DTNBP1: variants seen among roughly 807,000 people sequenced by gnomAD.
DTNBP1 encodes dystrobrevin binding protein 1, also known as dysbindin.
Under a neutral mutation model 42.8 loss-of-function variants are expected in DTNBP1, and 35 were observed. That is an observed-to-expected ratio of 0.82 (90% CI 0.63 to 1.09). The LOEUF is 1.09. DTNBP1 is among the 50% of genes least tolerant of loss of function. DTNBP1 has a pLI of 0.00. For missense variants in DTNBP1, 457 were observed against 424.2 expected, an observed-to-expected ratio of 1.08 and a Z score of -0.68; for synonymous variants, 171 against 162.2, an observed-to-expected ratio of 1.05 and a Z score of -0.41.
chr6:15,636,893 G>GT (rs1760062456), intron 4 of DTNBP1, among the ~76,000 whole-genome samples: 1 of 152,088 alleles, frequency 6.6e-6, no homozygotes, highest in Non-Finnish European at 1.5e-5. Context: ...TGGGCTTAAT[G>GT]TATCTTAAAG....
At chr6:15,540,192 G>A (rs888037466) in intron 7 of DTNBP1, among the ~76,000 whole-genome samples, 2 of 150,534 alleles carry the variant, frequency 1.3e-5, no homozygotes, top group South Asian at 4.2e-4. Flanking sequence ...GAGTGTACTC[G>A]TAAGAAAAAA....
chr6:15,594,532 C>T (rs1776428546), intron 6 of DTNBP1, among the ~76,000 whole-genome samples: 1 of 151,492 alleles, frequency 6.6e-6, no homozygotes, highest in Non-Finnish European at 1.5e-5. Flanking sequence ...TCCCTTCAGT[C>T]AATAATCAAC....
chr6:15,585,466 C>G (rs564980154), intron 7 of DTNBP1, among the ~76,000 whole-genome samples: 1 of 150,068 alleles, frequency 6.7e-6, no homozygotes, highest in Non-Finnish European at 1.5e-5. Context: ...AAAAGTCCTA[C>G]ATTTCCATGC....
chr6:15,528,779 T>C (rs1355422243), intron 8 of DTNBP1, among the ~76,000 whole-genome samples: 3 of 152,178 alleles, frequency 2.0e-5, no homozygotes, highest in East Asian at 3.9e-4. Flanking sequence ...CTCCTAGTTA[T>C]ATACCCTAAA....
intron 4 of DTNBP1, among the ~76,000 whole-genome samples, chr6:15,636,281 G>C (rs1357632513): frequency 1.3e-5 from 2 of 151,534 alleles, no homozygotes; most frequent in Non-Finnish European, 2.9e-5. Flanking sequence ...CTCCCGAGTA[G>C]TTGGGATTAC....
intron 5 of DTNBP1, among the ~76,000 whole-genome samples, chr6:15,624,367 G>C (rs777709523): frequency 8.5e-5 from 13 of 152,168 alleles, no homozygotes; most frequent in Non-Finnish European, 1.3e-4. Context: ...TTACCAGTAA[G>C]TATCAATTAA....
At chr6:15,593,576 G>A (rs2113628777) in intron 6 of DTNBP1, among the ~76,000 whole-genome samples, 1 of 152,278 alleles carries the variant, frequency 6.6e-6, no homozygotes, top group South Asian at 2.1e-4. Flanking sequence ...AAAGGATTGA[G>A]GTGCACAGCT....
At chr6:15,650,142 T>C (rs1300948587) in intron 3 of DTNBP1, among the ~76,000 whole-genome samples, 1 of 152,182 alleles carries the variant, frequency 6.6e-6, no homozygotes, top group Non-Finnish European at 1.5e-5. Flanking sequence ...TCAGTGATTG[T>C]GTCATAACAA....
At chr6:15,574,196 T>C (rs748070913) in intron 7 of DTNBP1, among the ~76,000 whole-genome samples, 4 of 152,208 alleles carry the variant, frequency 2.6e-5, no homozygotes, top group Non-Finnish European at 4.4e-5. Flanking sequence ...CATAAATGGA[T>C]GGTTTCCACA....
chr6:15,641,821 C>G (rs1338281617), intron 3 of DTNBP1, among the ~76,000 whole-genome samples: 1 of 152,170 alleles, frequency 6.6e-6, no homozygotes, highest in African/African-American at 2.4e-5. Context: ...GATCTAACCC[C>G]CTGCGTGGGC....
chr6:15,552,740 A>G (rs1774283094), intron 7 of DTNBP1, among the ~76,000 whole-genome samples: 1 of 152,356 alleles, frequency 6.6e-6, no homozygotes, highest in East Asian at 1.9e-4. Flanking sequence ...GGTTTTGAAA[A>G]CTGTGATGTG....
At chr6:15,533,088 G>A (rs1469506242) in intron 8 of DTNBP1, 152 bp downstream of exon 8, 2 of 1,167,506 alleles carry the variant, frequency 1.7e-6, no homozygotes, top group Non-Finnish European at 2.5e-6. Context: ...CAAGAGAGAG[G>A]TGGCCCGACG....
intron 7 of DTNBP1, among the ~76,000 whole-genome samples, chr6:15,542,623 G>A (rs1256867292): frequency 6.6e-6 from 1 of 152,068 alleles, no homozygotes; most frequent in African/African-American, 2.4e-5. Context: ...ACCCGCCTCG[G>A]CCTCCCAAAG....
chr6:15,548,850 T>A (rs1166195500), intron 7 of DTNBP1, among the ~76,000 whole-genome samples: 1 of 152,204 alleles, frequency 6.6e-6, no homozygotes, highest in African/African-American at 2.4e-5. Flanking sequence ...GAACATAATA[T>A]TAAAATCTAT....
Position 15,523,114 on chromosome 6 carries a change from G to A in DTNBP1, c.917C>T (p.Ala306Val). 3 of 1,614,268 alleles carry A rather than the reference G, an allele frequency of 1.9e-6. No homozygotes were observed. Among genetic ancestry groups the A allele is most frequent in the Non-Finnish European group, 2.5e-6 (3 of 1,180,054 alleles). The change falls in exon 10 of 10, where the codon GCC becomes GTC. Residue 306 changes from alanine to valine, a missense_variant. Coordinates refer to ENST00000344537, the MANE Select transcript of DTNBP1 (RefSeq NM_032122.5). The stretch of plus-strand genomic sequence containing the variant: ...CCCACCCTCACTGATGTCCCGGGTG[G>A]CCGAGTCGGTGCAGGTGGAGGAAGA... ...PSSSSTCTDS[A>V]TRDISEGGES...
At chr6:15,523,517 C>CCT (rs1772076233) in intron 9 of DTNBP1, 2 of 1,277,676 alleles carry the variant, frequency 1.6e-6, no homozygotes, top group Admixed American at 6.0e-5. Flanking sequence ...GCAAGTGCTG[C>CCT]CTATCTTTGA....
chr6:15,597,004 A>G (rs945706144), intron 6 of DTNBP1, among the ~76,000 whole-genome samples: 2 of 152,172 alleles, frequency 1.3e-5, no homozygotes, highest in Non-Finnish European at 2.9e-5. Flanking sequence ...TCAACCTTAT[A>G]TAAATATCCA....
At chr6:15,534,577 T>C (rs1773097605) in intron 7 of DTNBP1, among the ~76,000 whole-genome samples, 1 of 148,154 alleles carries the variant, frequency 6.7e-6, no homozygotes, top group African/African-American at 2.6e-5. Context: ...GGAGAATCAC[T>C]TGAACCCAGG....
At chr6:15,658,153 A>C (rs1761387608) in intron 1 of DTNBP1, among the ~76,000 whole-genome samples, 1 of 152,214 alleles carries the variant, frequency 6.6e-6, no homozygotes. Context: ...GACTAGGCAA[A>C]CCTGAGCATA....
Sources: gnomAD v4.1 joint callset for allele counts (sites outside exome capture counted in the v4.1 genomes callset) on GRCh38, gnomAD v4.1.1 for gene constraint, MANE v1.5 for transcripts, NCBI Gene and HGNC (gene_info 2026-07-23, HGNC 2026-07-21) for gene names.